TPH2: variants seen among roughly 807,000 people sequenced by gnomAD.
The protein encoded by TPH2 is tryptophan 5-hydroxylase 2.
In TPH2, 27 loss-of-function variants were observed where a neutral mutation model predicts 59.1. The observed-to-expected ratio is 0.46, with a 90% CI of 0.34 to 0.63. The LOEUF (loss-of-function observed/expected upper bound fraction) is 0.63. Ranked by LOEUF, TPH2 falls within the 30% of genes least tolerant of loss-of-function variation. TPH2 has a pLI of 0.01. For synonymous variants in TPH2, 220 were observed against 210.5 expected (o/e 1.05, Z -0.39); for missense variants, 523 against 588.3 (o/e 0.89, Z 1.15).
At chr12:71,952,735 T>C (rs1871384825) in intron 5 of TPH2, among the ~76,000 whole-genome samples, 1 of 152,184 alleles carries the variant, frequency 6.6e-6, no homozygotes, top group African/African-American at 2.4e-5. Flanking sequence ...CCAAGCCAGA[T>C]GTGCAACCTC....
At chr12:71,942,296 C>T (rs60640208) in intron 2 of TPH2, among the ~76,000 whole-genome samples, 1 of 152,090 alleles carries the variant, frequency 6.6e-6, no homozygotes, top group Non-Finnish European at 1.5e-5. Flanking sequence ...TTCTCAGGCC[C>T]AAATCTGTAG....
chr12:71,989,711 A>G lies in TPH2; in HGVS notation c.942-4728A>G, dbSNP rs536899314. On this transcript the variant is annotated intron_variant, in intron 7 of 10. Transcript: ENST00000333850. Reference sequence around the variant, plus strand: ...TGTGAAGAGTCAGCTTTGAAAACTGATAAGAGGAGAAAAATGCCAGACTCA... The same window carrying G: ...TGTGAAGAGTCAGCTTTGAAAACTGGTAAGAGGAGAAAAATGCCAGACTCA... Among the ~76,000 whole-genome samples the G allele has an allele frequency of 4.6e-5, 7 of 152,362 alleles. No homozygotes were observed. In the East Asian group the frequency reaches 7.7e-4, roughly 17 times the overall value.
rs1873735198 is a variant in TPH2 at position 72,031,926 on chromosome 12, A to G, written c.*231A>G. On this transcript the variant is annotated 3_prime_UTR_variant, in exon 11 of 11. Coordinates refer to ENST00000333850, the MANE Select transcript of TPH2 (RefSeq NM_173353.4). ...ATAACGTATTATGTTTAAACATCTT[A>G]AAAAGATTTGACATTCCTGCTTAGT... is the stretch of plus-strand genomic sequence containing the variant. 5.4e-6 allele frequency: 3 copies of G among 551,804 alleles called. No individual in the cohort carries two copies. The highest frequency in any genetic ancestry group is 9.7e-6 in the Non-Finnish European group (3 of 309,962). 34.2% of individuals were successfully genotyped at this position (551,804 alleles called of 1,614,324 possible).
At position 71,972,667 on chromosome 12, in the gene TPH2, A is replaced by G. The variant is rs765842055; in HGVS notation, c.757A>G (p.Arg253Gly). The change falls in exon 6 of 11, where the codon AGA (arginine) becomes GGA (glycine). Residue 253 changes from arginine (R) to glycine (G), a missense_variant. Coordinates refer to ENST00000333850, the MANE Select transcript of TPH2 (RefSeq NM_173353.4). The stretch of plus-strand genomic sequence containing the variant: ...TCTGCTGACTAAATACTGTGGCTAC[A>G]GAGAGGACAATGTGCCTCAACTCGA... ...FPLLTKYCGYREDNVPQLEDV... is the reference protein window; with the variant it reads ...FPLLTKYCGYGEDNVPQLEDV... The G allele has an allele frequency of 2.3e-5, 37 of 1,614,110 alleles. No homozygotes were observed. The Admixed American group carries it at 6.0e-4, about 26-fold the overall frequency.
intron 5 of TPH2, among the ~76,000 whole-genome samples, chr12:71,955,363 T>C (rs998576574): frequency 1.3e-5 from 2 of 152,216 alleles, no homozygotes; most frequent in Non-Finnish European, 2.9e-5. Flanking sequence ...ATGTACTTTG[T>C]TATCCTTATT....
intron 5 of TPH2, among the ~76,000 whole-genome samples, chr12:71,970,675 A>G (rs1021669280): frequency 1.3e-5 from 2 of 152,154 alleles, no homozygotes; most frequent in African/African-American, 4.8e-5. Context: ...ATTTCCTTAC[A>G]TCTTTTCTAT....
At chr12:72,030,422 A>G (rs909263058) in intron 9 of TPH2, among the ~76,000 whole-genome samples, 2 of 152,168 alleles carry the variant, frequency 1.3e-5, no homozygotes, top group African/African-American at 4.8e-5. Context: ...AGGGTCTATA[A>G]ATAGGCAGCA....
intron 9 of TPH2, among the ~76,000 whole-genome samples, chr12:72,024,610 G>C (rs950100726): frequency 6.6e-6 from 1 of 152,194 alleles, no homozygotes; most frequent in Non-Finnish European, 1.5e-5. Flanking sequence ...TAGCTCTTGA[G>C]CTGTGTCTAT....
At position 71,994,539 on chromosome 12, in the gene TPH2, G is replaced by C. The variant is rs370276646; in HGVS notation, c.1042G>C (p.Asp348His). 5 of 1,613,864 alleles carry C rather than the reference G, an allele frequency of 3.1e-6. No homozygotes were observed. In the African/African-American group the frequency reaches 6.7e-5, roughly 22 times the overall value. The change falls in exon 8 of 11, where the codon GAT becomes CAT. Residue 348 changes from aspartate (D) to histidine (H), a missense_variant. Physicochemically the swap from Asp to His is moderately conservative, Grantham distance 81 (BLOSUM62 -1). Transcript: ENST00000333850. The stretch of plus-strand genomic sequence containing the variant: ...AGGTCTGGCGTCTCTGGGAGCATCA[G>C]ATGAAGATGTTCAGAAACTAGCCAC... ...EIGLASLGAS[D>H]EDVQKLATCY...
chr12:71,985,451 G>T (rs948030824), intron 7 of TPH2, among the ~76,000 whole-genome samples: 25 of 152,020 alleles, frequency 1.6e-4, no homozygotes, highest in African/African-American at 5.6e-4. Context: ...CGGGCTGGAG[G>T]GCAGTGGTGC....
Position 71,944,279 on chromosome 12 carries a change from C to T in TPH2, c.256-15C>T, listed in dbSNP as rs756397899. ...TGTCCCTGAAGGTGATTTTCAGATG[C>T]TCGTGTTTCCACAGGAAAAACGTGT... On this transcript the variant is annotated splice_polypyrimidine_tract_variant and intron_variant, in intron 2 of 10. Transcript: ENST00000333850. The T allele has an allele frequency of 1.9e-6, 3 of 1,613,536 alleles. No individual in the cohort carries two copies. Among genetic ancestry groups the T allele is most frequent in the Non-Finnish European group, 2.5e-6 (3 of 1,179,644 alleles).
At chr12:72,008,420 A>G (rs1224209201) in intron 8 of TPH2, among the ~76,000 whole-genome samples, 1 of 152,150 alleles carries the variant, frequency 6.6e-6, no homozygotes, top group East Asian at 1.9e-4. Flanking sequence ...CACACAGATA[A>G]TGCTGTTCCT....
At chr12:71,952,380 G>A (rs1392884878) in intron 5 of TPH2, among the ~76,000 whole-genome samples, 1 of 152,134 alleles carries the variant, frequency 6.6e-6, no homozygotes, top group Non-Finnish European at 1.5e-5. Context: ...GAAGTGCTAA[G>A]GTTCAAGGGG....
intron 4 of TPH2, among the ~76,000 whole-genome samples, chr12:71,947,329 G>A (rs1871223782): frequency 6.6e-6 from 1 of 151,846 alleles, no homozygotes; most frequent in Admixed American, 6.6e-5. Flanking sequence ...ACCTATTTGG[G>A]GTAGCTAATT....
rs1872649362 is a variant in TPH2 at position 71,994,546 on chromosome 12, A to T, written c.1049A>T (p.Asp350Val). The change falls in exon 8 of 11, where the codon GAT (aspartate) becomes GTT (valine). Residue 350 changes from aspartate (D) to valine (V), a missense_variant. Transcript: ENST00000333850. ...GLASLGASDEDVQKLATCYFF... is the reference protein window; with the variant it reads ...GLASLGASDEVVQKLATCYFF... ...GCGTCTCTGGGAGCATCAGATGAAG[A>T]TGTTCAGAAACTAGCCACGGTGAGT... The T allele has an allele frequency of 6.2e-7, 1 of 1,613,958 alleles. No individual in the cohort carries two copies. The highest frequency in any genetic ancestry group is 8.5e-7 in the Non-Finnish European group (1 of 1,179,850).
At chr12:71,947,515 G>T (rs889830549) in intron 4 of TPH2, among the ~76,000 whole-genome samples, 27 of 151,128 alleles carry the variant, frequency 1.8e-4, no homozygotes, top group African/African-American at 6.6e-4. Context: ...ATAAGGAGTA[G>T]TTTTGTGGTA....
chr12:72,026,763 G>A (rs1385884458), intron 9 of TPH2, among the ~76,000 whole-genome samples: 1 of 152,172 alleles, frequency 6.6e-6, no homozygotes, highest in African/African-American at 2.4e-5. Context: ...CAACCCTGCA[G>A]CTTATTCAAA....
At chr12:72,008,385 G>T (rs1873010832) in intron 8 of TPH2, among the ~76,000 whole-genome samples, 1 of 152,182 alleles carries the variant, frequency 6.6e-6, no homozygotes. Flanking sequence ...TGCAGAATCA[G>T]AATCCTGAGA....
chr12:71,953,010 T>C (rs1004503282), intron 5 of TPH2, among the ~76,000 whole-genome samples: 4 of 152,222 alleles, frequency 2.6e-5, no homozygotes, highest in African/African-American at 9.7e-5. Context: ...CATTTACAAA[T>C]AATGTAGCTC....
Sources: gnomAD v4.1 joint callset for allele counts (sites outside exome capture counted in the v4.1 genomes callset) on GRCh38, gnomAD v4.1.1 for gene constraint, MANE v1.5 for transcripts, NCBI Gene and HGNC (gene_info 2026-07-23, HGNC 2026-07-21) for gene names.